TSNARE1: variants seen among roughly 807,000 people sequenced by gnomAD.
TSNARE1 encodes t-SNARE domain containing 1, also known as t-SNARE domain-containing protein 1.
TSNARE1 carries 49 observed loss-of-function variants against 62.0 expected under a neutral mutation model. The ratio of observed to expected loss-of-function variants is 0.79; its 90% CI spans 0.63 to 1.00. TSNARE1 has a LOEUF of 1.00. Among genes scored for constraint, TSNARE1 ranks in the 50% least tolerant of loss-of-function variants. The pLI, the probability that TSNARE1 is intolerant of heterozygous loss-of-function variation, is 0.00. For synonymous variants in TSNARE1, 328 were observed against 294.4 expected, an observed-to-expected ratio of 1.11 and a Z score of -1.17; for missense variants, 755 against 700.1, an observed-to-expected ratio of 1.08 and a Z score of -0.88.
In TSNARE1 at chr8:142,229,510, T is replaced by C. The variant is rs994056730; in HGVS notation, c.1516A>G (p.Ile506Val). ...CACTTTCGGACAGAGGTGGCGATGA[T>C]GATGATGATGACAAGCAGGGCAGTG... is the stretch of plus-strand genomic sequence containing the variant. Reference protein sequence around the residue: ...GVTALLVIIIIIATSVRK With the variant: ...GVTALLVIIIVIATSVRK Residue 506 changes from isoleucine to valine, a missense_variant, in exon 13 of 14, where the codon ATC becomes GTC. Coordinates refer to ENST00000524325, the MANE Select transcript of TSNARE1 (RefSeq NM_145003.5). 4 of 1,613,784 alleles carry C rather than the reference T, an allele frequency of 2.5e-6. No individual in the cohort carries two copies. Among genetic ancestry groups the C allele is most frequent in the Non-Finnish European group, 1.7e-6 (2 of 1,179,912 alleles).
At chr8:142,383,315 G>A (rs923504632) in intron 1 of TSNARE1, among the ~76,000 whole-genome samples, 1 of 152,202 alleles carries the variant, frequency 6.6e-6, no homozygotes, top group South Asian at 2.1e-4. Flanking sequence ...TAAGACGTGT[G>A]GTCAGAGAAC....
intron 9 of TSNARE1, among the ~76,000 whole-genome samples, chr8:142,306,307 C>T (rs1423387727): frequency 9.9e-5 from 15 of 152,204 alleles, no homozygotes; most frequent in African/African-American, 3.4e-4. Flanking sequence ...CCAGCCAGCC[C>T]GTGAGAGTGA....
At chr8:142,356,274 T>C (rs1357480446) in intron 1 of TSNARE1, among the ~76,000 whole-genome samples, 3 of 151,444 alleles carry the variant, frequency 2.0e-5, no homozygotes, top group African/African-American at 7.3e-5. Context: ...GCAGGGAGAG[T>C]GGTCCTCAGC....
chr8:142,399,501 C>A (rs938490856), intron 1 of TSNARE1, among the ~76,000 whole-genome samples: 2 of 152,188 alleles, frequency 1.3e-5, no homozygotes, highest in African/African-American at 4.8e-5. Context: ...TGCCTCAATG[C>A]GCCCAAGAGG....
At chr8:142,238,991 C>T (rs1256443978) in intron 12 of TSNARE1, among the ~76,000 whole-genome samples, 1 of 152,168 alleles carries the variant, frequency 6.6e-6, no homozygotes, top group Non-Finnish European at 1.5e-5. Context: ...GTGTCTGGCT[C>T]GTCCCTGGCA....
At chr8:142,270,488 A>G in intron 12 of TSNARE1, 8 of 896,958 alleles carry the variant, frequency 8.9e-6, no homozygotes, top group Non-Finnish European at 1.1e-5. Context: ...AGGCATATAT[A>G]TATATATATA....
At chr8:142,262,782 C>T (rs1005160321) in intron 12 of TSNARE1, among the ~76,000 whole-genome samples, 1 of 152,184 alleles carries the variant, frequency 6.6e-6, no homozygotes, top group Non-Finnish European at 1.5e-5. Context: ...AAGCAGAAGC[C>T]GCTATGCTTC....
intron 12 of TSNARE1, among the ~76,000 whole-genome samples, chr8:142,246,355 T>C (rs948193961): frequency 3.9e-4 from 60 of 152,256 alleles, no homozygotes; most frequent in Non-Finnish European, 8.2e-4. Flanking sequence ...GCCCATTTCT[T>C]GGGCAGAGCC....
At position 142,282,402 on chromosome 8, in the gene TSNARE1, A is replaced by G. The variant is rs1246963490; in HGVS notation, c.1363+2011T>C. Among the ~76,000 whole-genome samples, 671 of 150,190 alleles carry G rather than the reference A, an allele frequency of 4.5e-3. 3 individuals are homozygous for G. The highest frequency in any genetic ancestry group is 6.6e-3 in the Non-Finnish European group (439 of 66,684). On this transcript the variant is annotated intron_variant, in intron 11 of 13. Coordinates refer to ENST00000524325, the MANE Select transcript of TSNARE1 (RefSeq NM_145003.5). ...CAGGGACCAGCGTCTGTCAATGATC[A>G]GGGTGGGGCCAGTGTCTATTAATGA...
chr8:142,328,433 A>G (rs1335540291), intron 6 of TSNARE1, among the ~76,000 whole-genome samples: 1 of 152,196 alleles, frequency 6.6e-6, no homozygotes, highest in African/African-American at 2.4e-5. Context: ...TTACCTGTTC[A>G]GGAAAGTTTT....
intron 5 of TSNARE1, 95 bp downstream of exon 5, chr8:142,331,659 G>T: frequency 8.2e-7 from 1 of 1,224,426 alleles, no homozygotes. Context: ...GATGGCCTGA[G>T]GGGGGAAGCC....
intron 11 of TSNARE1, among the ~76,000 whole-genome samples, chr8:142,281,912 T>C (rs1821548982): frequency 6.6e-6 from 1 of 152,142 alleles, no homozygotes; most frequent in Non-Finnish European, 1.5e-5. Context: ...AGGTCCTTGA[T>C]GGGTGGCCTC....
At chr8:142,218,273 C>CAGGATCAGGGTTCAGTGTGTGGA (rs1816035895) in intron 13 of TSNARE1, among the ~76,000 whole-genome samples, 1 of 48,874 alleles carries the variant, frequency 2.0e-5, no homozygotes. Context: ...CAGGGTGTGG[C>CAGGATCAGGGTTCAGTGTGTGGA]CAGGGTCAGG....
At chr8:142,281,732 G>A (rs1821508883) in intron 11 of TSNARE1, among the ~76,000 whole-genome samples, 1 of 152,078 alleles carries the variant, frequency 6.6e-6, no homozygotes, top group Non-Finnish European at 1.5e-5. Flanking sequence ...GAGCAACCAA[G>A]GCGGGTGGGG....
intron 1 of TSNARE1, among the ~76,000 whole-genome samples, chr8:142,397,497 C>T (rs982151356): frequency 2.0e-5 from 3 of 152,166 alleles, no homozygotes; most frequent in East Asian, 1.9e-4. Flanking sequence ...CAGGGTCCCA[C>T]GGCTAAGATG....
At chr8:142,242,191 T>C in intron 12 of TSNARE1, among the ~76,000 whole-genome samples, 1 of 152,382 alleles carries the variant, frequency 6.6e-6, no homozygotes, top group East Asian at 1.9e-4. Context: ...TCAAAATGGA[T>C]GGAAGACCGA....
Position 142,222,971 on chromosome 8 carries a change from C to T in TSNARE1, c.*11+6502G>A, listed in dbSNP as rs1563756379. On this transcript the variant is annotated intron_variant, in intron 13 of 13. Coordinates refer to ENST00000524325, the MANE Select transcript of TSNARE1 (RefSeq NM_145003.5). ...ACTCATCCACTCACTCACTCATTCA[C>T]TCACTCACTCATTCACTCACTCTCT... Among the ~76,000 whole-genome samples, 326 of 150,504 alleles carry T rather than the reference C, an allele frequency of 2.2e-3. 4 individuals carry two copies. Among genetic ancestry groups the T allele is most frequent in the African/African-American group, 7.5e-3 (306 of 40,870 alleles).
intron 12 of TSNARE1, among the ~76,000 whole-genome samples, chr8:142,234,742 A>G (rs2130122356): frequency 6.6e-6 from 1 of 152,162 alleles, no homozygotes; most frequent in South Asian, 2.1e-4. Flanking sequence ...CCCTCATCCC[A>G]TTAACATGAG....
rs1822225353 is a variant in TSNARE1, at chr8:142,283,934, A to G, written c.1363+479T>C. Among the ~76,000 whole-genome samples the G allele has an allele frequency of 4.2e-5, 6 of 142,902 alleles. 2 individuals are homozygous for G. The highest frequency in any genetic ancestry group is 4.1e-4 in the Admixed American group (6 of 14,492). The allele number at this position is 142,902 out of a possible 152,430, so 93.7% of individuals were successfully genotyped here. The stretch of plus-strand genomic sequence containing the variant: ...TCTGTCAGTGAGGGGAGCAGGGACC[A>G]GGTTCTGTCAATGAGCAGGGTGGGG... On this transcript the variant is annotated intron_variant, in intron 11 of 13. Coordinates refer to ENST00000524325, the MANE Select transcript of TSNARE1 (RefSeq NM_145003.5).
Sources: allele counts gnomAD v4.1 joint callset (sites outside exome capture counted in the v4.1 genomes callset), GRCh38; gene constraint gnomAD v4.1.1; transcripts MANE v1.5; gene names NCBI Gene and HGNC (gene_info 2026-07-23, HGNC 2026-07-21).